Variants in CMIP observed in about 807,000 individuals in gnomAD.
The protein encoded by CMIP is c-Maf inducing protein, also known as C-Maf-inducing protein.
In CMIP, 13 loss-of-function variants were observed where a neutral mutation model predicts 97.3. The ratio of observed to expected loss-of-function variants is 0.13; its 90% CI spans 0.09 to 0.21. The LOEUF (loss-of-function observed/expected upper bound fraction) is 0.21, where lower values mean the gene tolerates loss of function less well. Ranked by LOEUF, CMIP falls within the 10% of genes least tolerant of loss-of-function variation. The pLI is 1.00. For missense variants in CMIP, 847 were observed against 1,024.9 expected (o/e 0.83, Z 2.37); for synonymous variants, 538 against 436.3 (o/e 1.23, Z -2.91).
intron 1 of CMIP, among the ~76,000 whole-genome samples, chr16:81,483,461 A>T (rs1567538064): frequency 6.6e-6 from 1 of 152,186 alleles, no homozygotes; most frequent in South Asian, 2.1e-4. Flanking sequence ...TTGGCCGTTA[A>T]CTCTGAGGGA....
intron 1 of CMIP, among the ~76,000 whole-genome samples, chr16:81,489,437 A>T (rs72836918): frequency 7.0e-4 from 107 of 152,346 alleles, no homozygotes; most frequent in Non-Finnish European, 1.2e-3. Context: ...AGAGCGTATT[A>T]TTCAGGTACA....
chr16:81,606,782 G>T (rs1218496851), intron 1 of CMIP, among the ~76,000 whole-genome samples: 2 of 152,134 alleles, frequency 1.3e-5, no homozygotes, highest in Non-Finnish European at 2.9e-5. Context: ...CGGAAAAGGA[G>T]GGCACAGGGA....
At position 81,453,587 on chromosome 16, in the gene CMIP, A is replaced by AAC. The variant is rs1165874037; in HGVS notation, c.300+8055_300+8056dup. Among the ~76,000 whole-genome samples, 1 of 152,202 alleles carries AAC rather than the reference A, an allele frequency of 6.6e-6. No homozygotes were observed. Among genetic ancestry groups the AAC allele is most frequent in the Non-Finnish European group, 1.5e-5 (1 of 68,030 alleles). On this transcript the variant is annotated intron_variant, in intron 1 of 20. Coordinates refer to ENST00000537098, the MANE Select transcript of CMIP (RefSeq NM_198390.3). This position sits in a 1 kb window ranked among gnomAD's most constrained non-coding sequence, Gnocchi z 4.0. ...TGTGGACTAGGTGACCCTGTTTACC[A>AAC]ACACACACACCGGTGCGAGGCTCTG...
chr16:81,570,686 G>A (rs1282573016), intron 1 of CMIP, among the ~76,000 whole-genome samples: 2 of 152,186 alleles, frequency 1.3e-5, no homozygotes, highest in East Asian at 1.9e-4. Flanking sequence ...ACGCGGTCCT[G>A]TTTGAACTTG....
At chr16:81,536,373 A>T (rs965881553) in intron 1 of CMIP, among the ~76,000 whole-genome samples, 12 of 152,050 alleles carry the variant, frequency 7.9e-5, no homozygotes, top group African/African-American at 2.9e-4. Context: ...TGTGCTTGCT[A>T]TTCGGTACCT....
intron 1 of CMIP, among the ~76,000 whole-genome samples, chr16:81,500,272 G>T (rs146539996): frequency 0.022 from 1,409 of 64,810 alleles, 68 homozygotes; most frequent in African/African-American, 0.076. Flanking sequence ...CCTTCCTTCC[G>T]TCCTTCCTTC....
At position 81,699,677 on chromosome 16, in the gene CMIP, C is replaced by T. The variant is rs1907170113; in HGVS notation, c.1639-8C>T. On this transcript the variant is annotated splice_polypyrimidine_tract_variant and splice_region_variant and intron_variant, in intron 14 of 20. Coordinates refer to ENST00000537098, the MANE Select transcript of CMIP (RefSeq NM_198390.3). Reference sequence around the variant, plus strand: ...CTGTCCCTTCACCTGGGCCTTCTTGCCTCACAGGTGCACATCCTCATGGGC... The same window carrying T: ...CTGTCCCTTCACCTGGGCCTTCTTGTCTCACAGGTGCACATCCTCATGGGC... 6.3e-7 allele frequency: 1 copy of T among 1,591,126 alleles called. No individual in the cohort carries two copies. The highest frequency in any genetic ancestry group is 2.2e-5 in the East Asian group (1 of 44,660).
intron 1 of CMIP, among the ~76,000 whole-genome samples, chr16:81,497,918 C>T (rs897223754): frequency 6.6e-6 from 1 of 152,274 alleles, no homozygotes; most frequent in African/African-American, 2.4e-5. Flanking sequence ...TGTGGTCCCC[C>T]CAGAGGCTTC....
At chr16:81,577,178 A>G (rs1201548619) in intron 1 of CMIP, among the ~76,000 whole-genome samples, 1 of 145,936 alleles carries the variant, frequency 6.9e-6, no homozygotes, top group East Asian at 2.1e-4. Flanking sequence ...TATTATCACT[A>G]TCACCATCAC....
At chr16:81,689,263 C>A (rs897363759) in intron 10 of CMIP, among the ~76,000 whole-genome samples, 1 of 152,248 alleles carries the variant, frequency 6.6e-6, no homozygotes, top group Non-Finnish European at 1.5e-5. Context: ...AACTAGTTTA[C>A]AGTCCCACCA....
At chr16:81,676,952 C>T (rs1259453531) in intron 9 of CMIP, among the ~76,000 whole-genome samples, 2 of 152,214 alleles carry the variant, frequency 1.3e-5, no homozygotes, top group African/African-American at 4.8e-5. Flanking sequence ...TGTTTTCAAT[C>T]GTGCCGTTGT....
chr16:81,636,643 C>A (rs1405306432), intron 3 of CMIP, among the ~76,000 whole-genome samples: 2 of 149,720 alleles, frequency 1.3e-5, no homozygotes, highest in African/African-American at 4.9e-5. Flanking sequence ...GGGAAAGATA[C>A]AATATCACCG....
At chr16:81,550,989 C>T (rs1445668583) in intron 1 of CMIP, among the ~76,000 whole-genome samples, 12 of 144,066 alleles carry the variant, frequency 8.3e-5, no homozygotes, top group East Asian at 2.1e-4. Flanking sequence ...TCCCGTCACA[C>T]GCACCCCAGT....
chr16:81,491,082 TG>T (rs2089398151), intron 1 of CMIP, among the ~76,000 whole-genome samples: 1 of 152,070 alleles, frequency 6.6e-6, no homozygotes, highest in African/African-American at 2.4e-5. Context: ...GCTGAGAGAC[TG>T]GGGTAGGGGT....
intron 1 of CMIP, among the ~76,000 whole-genome samples, chr16:81,526,068 G>A (rs571301272): frequency 2.2e-4 from 34 of 151,886 alleles, no homozygotes; most frequent in Non-Finnish European, 3.1e-4. Flanking sequence ...TTGCTTCTGC[G>A]TTTTGGCTTT....
chr16:81,700,248 T>C (rs1907246035), intron 15 of CMIP, among the ~76,000 whole-genome samples: 1 of 151,972 alleles, frequency 6.6e-6, no homozygotes. Context: ...CTTTGGCGGC[T>C]GGGGCTCCCC....
intron 5 of CMIP, among the ~76,000 whole-genome samples, chr16:81,658,647 A>C (rs1039154933): frequency 6.6e-6 from 1 of 152,284 alleles, no homozygotes; most frequent in African/African-American, 2.4e-5. Context: ...GCAAGAGCAC[A>C]AAGATTTAAA....
At chr16:81,581,016 A>T (rs183651091) in intron 1 of CMIP, among the ~76,000 whole-genome samples, 3 of 152,096 alleles carry the variant, frequency 2.0e-5, no homozygotes, top group Non-Finnish European at 4.4e-5. Context: ...TAGCAGTACA[A>T]TCACACAGTA....
intron 1 of CMIP, among the ~76,000 whole-genome samples, chr16:81,523,449 C>T (rs542012342): frequency 6.6e-5 from 10 of 152,282 alleles, no homozygotes; most frequent in South Asian, 2.1e-4. Context: ...GTCACACGGC[C>T]GCAAGGTGGG....
Sources: allele counts gnomAD v4.1 joint callset (sites outside exome capture counted in the v4.1 genomes callset), GRCh38; gene constraint gnomAD v4.1.1; non-coding constraint Gnocchi (gnomAD v3.1); transcripts MANE v1.5; gene names NCBI Gene and HGNC (gene_info 2026-07-23, HGNC 2026-07-21).